Variants in FAF1 observed in about 807,000 individuals in gnomAD.
FAF1 encodes the protein FAS-associated factor 1.
Under a neutral mutation model 92.5 loss-of-function variants are expected in FAF1, and 25 were observed. That is an observed-to-expected ratio of 0.27 (90% CI 0.20 to 0.38). The LOEUF (loss-of-function observed/expected upper bound fraction) is 0.38, where lower values mean the gene tolerates loss of function less well. Among genes scored for constraint, FAF1 ranks in the 10% least tolerant of loss-of-function variants. The pLI, the probability that FAF1 is intolerant of heterozygous loss-of-function variation, is 1.00. For missense variants in FAF1, 636 were observed against 793.3 expected, an observed-to-expected ratio of 0.80 and a Z score of 2.38; for synonymous variants, 234 against 273.2, an observed-to-expected ratio of 0.86 and a Z score of 1.42.
At chr1:50,954,800 C>G (rs1319325980) in intron 1 of FAF1, among the ~76,000 whole-genome samples, 1 of 152,148 alleles carries the variant, frequency 6.6e-6, no homozygotes, top group African/African-American at 2.4e-5. Context: ...GCCTCGGCCT[C>G]CCAAGGTGCT....
chr1:50,792,046 CGAT>C, intron 3 of FAF1, among the ~76,000 whole-genome samples: 1 of 152,204 alleles, frequency 6.6e-6, no homozygotes, highest in East Asian at 1.9e-4. Context: ...TAGCTAATTA[CGAT>C]GATATGCCTA....
intron 1 of FAF1, among the ~76,000 whole-genome samples, chr1:50,953,789 A>C (rs1325660032): frequency 2.0e-5 from 3 of 152,178 alleles, no homozygotes; most frequent in Non-Finnish European, 4.4e-5. Context: ...TTTAGGCAGC[A>C]AAAAGTATTA....
intron 2 of FAF1, among the ~76,000 whole-genome samples, chr1:50,855,249 AT>A (rs1644381793): frequency 6.6e-6 from 1 of 151,740 alleles, no homozygotes; most frequent in African/African-American, 2.4e-5. Flanking sequence ...ATCTTGTTAT[AT>A]TTTTTAAGCC....
intron 6 of FAF1, among the ~76,000 whole-genome samples, chr1:50,731,106 T>C (rs1457472537): frequency 1.3e-5 from 2 of 152,128 alleles, no homozygotes; most frequent in Non-Finnish European, 2.9e-5. Flanking sequence ...AGGCAAAAAT[T>C]GGACACGAGC....
intron 8 of FAF1, among the ~76,000 whole-genome samples, chr1:50,637,324 G>T (rs1429980886): frequency 1.3e-5 from 2 of 150,340 alleles, no homozygotes; most frequent in Admixed American, 6.6e-5. Flanking sequence ...ATGGTGGCAG[G>T]CACCTGTAAT....
chr1:50,807,106 C>T (rs927952046), intron 2 of FAF1, among the ~76,000 whole-genome samples: 2 of 152,084 alleles, frequency 1.3e-5, no homozygotes, highest in Non-Finnish European at 2.9e-5. Flanking sequence ...CATCTGGATT[C>T]AAGAGAATGT....
chr1:50,830,359 C>T (rs1644141478), intron 2 of FAF1, among the ~76,000 whole-genome samples: 1 of 152,232 alleles, frequency 6.6e-6, no homozygotes, highest in African/African-American at 2.4e-5. Flanking sequence ...ATCTGCCCAC[C>T]TCAGCCTCCC....
intron 17 of FAF1, among the ~76,000 whole-genome samples, chr1:50,489,041 C>G (rs1249726425): frequency 6.6e-6 from 1 of 152,204 alleles, no homozygotes; most frequent in Non-Finnish European, 1.5e-5. Flanking sequence ...AATATTACTT[C>G]ATCTGTACAT....
chr1:50,596,055 A>G, intron 9 of FAF1, 66 bp downstream of exon 9: 1 of 994,722 alleles, frequency 1.0e-6, no homozygotes, highest in Non-Finnish European at 1.6e-6. Flanking sequence ...ATAAAAAAAA[A>G]GGGAAGTGCG....
chr1:50,648,285 A>G (rs1654689604), intron 8 of FAF1, among the ~76,000 whole-genome samples: 1 of 152,046 alleles, frequency 6.6e-6, no homozygotes, highest in Non-Finnish European at 1.5e-5. Context: ...AAACAAAACA[A>G]AAAAACAAAA....
At chr1:50,691,981 C>G (rs1291632345) in intron 7 of FAF1, among the ~76,000 whole-genome samples, 1 of 151,960 alleles carries the variant, frequency 6.6e-6, no homozygotes, top group African/African-American at 2.4e-5. Flanking sequence ...TTTGGGAGGC[C>G]CAGGCGGGCA....
Position 50,582,661 on chromosome 1 carries a change from A to G in FAF1, c.1070T>C (p.Leu357Ser), listed in dbSNP as rs753709530. Residue 357 changes from leucine to serine, a missense_variant, in exon 12 of 19, where the codon TTA (leucine) becomes TCA (serine). Coordinates refer to ENST00000396153, the MANE Select transcript of FAF1 (RefSeq NM_007051.3). ...DCHPVFFIGSLEAAFQEAFYV... is the reference protein window; with the variant it reads ...DCHPVFFIGSSEAAFQEAFYV... ...GAAGGCCTCTTGAAAAGCAGCTTCT[A>G]ATGAGCCAATAAAAAATACAGGATG... is the stretch of plus-strand genomic sequence containing the variant. 6.2e-7 allele frequency: 1 copy of G among 1,612,714 alleles called. No homozygotes were observed. Among genetic ancestry groups the G allele is most frequent in the Non-Finnish European group, 8.5e-7 (1 of 1,178,832 alleles).
chr1:50,732,740 A>G (rs1312691833), intron 6 of FAF1, among the ~76,000 whole-genome samples: 1 of 152,082 alleles, frequency 6.6e-6, no homozygotes, highest in Non-Finnish European at 1.5e-5. Flanking sequence ...GAATTCTGAT[A>G]AATTTTATTT....
intron 18 of FAF1, chr1:50,471,243 T>C (rs934541494): frequency 8.5e-5 from 13 of 152,266 alleles, no homozygotes; most frequent in African/African-American, 2.9e-4. Flanking sequence ...ATTCAGACTG[T>C]AAATTCTACA....
intron 6 of FAF1, among the ~76,000 whole-genome samples, chr1:50,712,108 A>G (rs1342086122): frequency 6.6e-6 from 1 of 152,220 alleles, no homozygotes; most frequent in Non-Finnish European, 1.5e-5. Flanking sequence ...TCAGGTACTA[A>G]GGAAGTGAAC....
intron 18 of FAF1, among the ~76,000 whole-genome samples, chr1:50,468,614 C>G (rs1012543912): frequency 2.0e-5 from 3 of 152,070 alleles, no homozygotes; most frequent in Non-Finnish European, 4.4e-5. Context: ...CGCCTGCCAC[C>G]GCGCCTGGCT....
intron 8 of FAF1, among the ~76,000 whole-genome samples, chr1:50,644,793 C>T (rs1183246420): frequency 6.6e-6 from 1 of 152,204 alleles, no homozygotes; most frequent in African/African-American, 2.4e-5. Flanking sequence ...GCAGTTATCC[C>T]TTCATGGGCA....
chr1:50,913,154 C>T (rs1198003513), intron 1 of FAF1, among the ~76,000 whole-genome samples: 1 of 152,202 alleles, frequency 6.6e-6, no homozygotes, highest in Non-Finnish European at 1.5e-5. Context: ...CTGTACTATA[C>T]ATGGCATGAG....
intron 8 of FAF1, among the ~76,000 whole-genome samples, chr1:50,617,963 A>G (rs1421743321): frequency 1.3e-5 from 2 of 152,118 alleles, no homozygotes; most frequent in Non-Finnish European, 2.9e-5. Flanking sequence ...TCATAGTACT[A>G]TGAAGATCTT....
Sources: gnomAD v4.1 joint callset for allele counts (sites outside exome capture counted in the v4.1 genomes callset) on GRCh38, gnomAD v4.1.1 for gene constraint, MANE v1.5 for transcripts, NCBI Gene and HGNC (gene_info 2026-07-23, HGNC 2026-07-21) for gene names.